The following THOC2 variants were observed in gnomAD, a reference collection of about 807,000 sequenced individuals.
THOC2 encodes THO complex 2.
A neutral mutation model predicts 128.4 loss-of-function variants in THOC2; 10 were observed. The observed-to-expected ratio is 0.08, with a 90% CI of 0.05 to 0.13. THOC2 has a LOEUF of 0.13. Among genes scored for constraint, THOC2 ranks in the 10% least tolerant of loss-of-function variants. THOC2 has a pLI of 1.00. For missense variants in THOC2, 535 were observed against 1,155.7 expected (o/e 0.46, Z 7.79); for synonymous variants, 393 against 396.9 (o/e 0.99, Z 0.12).
intron 30 of THOC2, among the ~76,000 whole-genome samples, chrX:123,622,316 GC>G (rs374264820): frequency 3.6e-5 from 4 of 111,582 alleles, no homozygotes; most frequent in African/African-American, 6.5e-5. Flanking sequence ...CACAAGAATC[GC>G]TTCAACCCAC....
intron 1 of THOC2, among the ~76,000 whole-genome samples, chrX:123,717,794 T>A (rs2051495169): frequency 9.0e-6 from 1 of 111,306 alleles, no homozygotes; most frequent in Non-Finnish European, 1.9e-5. Context: ...GCCCTCTGTA[T>A]CCACGGGGGA....
chrX:123,637,358 A>G (rs1290439060), intron 18 of THOC2, among the ~76,000 whole-genome samples: 1 of 111,841 alleles, frequency 8.9e-6, no homozygotes, highest in Non-Finnish European at 1.9e-5. Flanking sequence ...TTTTGGTTAA[A>G]CTAAGTCAAG....
intron 1 of THOC2, among the ~76,000 whole-genome samples, chrX:123,731,692 C>T (rs2052265514): frequency 2.7e-5 from 3 of 110,494 alleles, no homozygotes; most frequent in African/African-American, 9.9e-5. Flanking sequence ...CTAAGACAGC[C>T]GCTTATTTAG....
chrX:123,664,604 A>C (rs2048978941), intron 12 of THOC2, among the ~76,000 whole-genome samples: 1 of 112,456 alleles, frequency 8.9e-6, no homozygotes, highest in Non-Finnish European at 1.9e-5. Flanking sequence ...ACATGAAAAA[A>C]TGCTCAACAC....
intron 7 of THOC2, 26 bp from the exon 8 acceptor site, chrX:123,686,740 T>A (rs1319428504): frequency 1.8e-6 from 2 of 1,086,621 alleles, no homozygotes; most frequent in East Asian, 3.1e-5. Flanking sequence ...CATACAAAAA[T>A]TTAAAAATGA....
chrX:123,709,564 C>CT (rs2051096350), intron 2 of THOC2, among the ~76,000 whole-genome samples: 2 of 111,622 alleles, frequency 1.8e-5, no homozygotes, highest in South Asian at 7.7e-4. Context: ...GCACTCCAGC[C>CT]TGGGCGATAG....
chrX:123,709,345 A>C (rs2051080089), intron 2 of THOC2, among the ~76,000 whole-genome samples: 1 of 111,200 alleles, frequency 9.0e-6, no homozygotes, highest in South Asian at 3.8e-4. Context: ...TAATCCCAGC[A>C]CTTTGGGAGG....
At chrX:123,659,094 T>C (rs1316279830) in intron 12 of THOC2, among the ~76,000 whole-genome samples, 2 of 112,343 alleles carry the variant, frequency 1.8e-5, no homozygotes, top group Non-Finnish European at 3.8e-5. Context: ...TCCTTTTACA[T>C]GAAACAATTC....
In THOC2 at chrX:123,627,682, C is replaced by A. The variant is rs1569340769; in HGVS notation, c.2757+11G>T. The A allele has an allele frequency of 8.3e-7, 1 of 1,208,811 alleles. No individual in the cohort carries two copies. The highest frequency in any genetic ancestry group is 1.1e-6 in the Non-Finnish European group (1 of 893,431). On this transcript the variant is annotated intron_variant, in intron 23 of 38. Coordinates refer to ENST00000245838, the MANE Select transcript of THOC2 (RefSeq NM_001081550.2). ...AGTTATTGCACTTGAACTACTAGAA[C>A]AAAAACCTACCATTTCCTGATTGTC...
At chrX:123,603,484 T>C in intron 38 of THOC2, 1 of 509,493 alleles carries the variant, frequency 2.0e-6, no homozygotes, top group Non-Finnish European at 3.4e-6. Flanking sequence ...TTCTGGATGG[T>C]GTATCTCGAG....
At chrX:123,667,606 C>T (rs1296559908) in intron 10 of THOC2, among the ~76,000 whole-genome samples, 2 of 110,534 alleles carry the variant, frequency 1.8e-5, no homozygotes, top group African/African-American at 3.3e-5. Flanking sequence ...AGTGTGGTGG[C>T]GCATGCCTGT....
chrX:123,696,060 T>C lies in THOC2; in HGVS notation c.562A>G (p.Thr188Ala). The C allele has an allele frequency of 8.9e-7, 1 of 1,129,868 alleles. No individual in the cohort carries two copies. The highest frequency in any genetic ancestry group is 2.4e-4 in the Middle Eastern group (1 of 4,182). 93.1% of individuals were successfully genotyped at this position (1,129,868 alleles called of 1,213,427 possible). Residue 188 changes from threonine (T) to alanine (A), a missense_variant, in exon 7 of 39, where the codon ACT becomes GCT. Thr to Ala is a moderately conservative substitution (Grantham distance 58, BLOSUM62 0). This residue lies in a region of THOC2 where 10 missense variants were observed against 63.0 expected (regional missense o/e 0.16). Transcript: ENST00000245838. ...ATATTTTCTAAGATTAAATCACTAG[T>C]AATACTTCCAGATAAATCTTGCCCC... is the stretch of plus-strand genomic sequence containing the variant. ...ELGQDLSGSITSDLILENIKS... is the reference protein window; with the variant it reads ...ELGQDLSGSIASDLILENIKS...
chrX:123,626,676 A>C lies in THOC2; in HGVS notation c.2758-14T>G, dbSNP rs774464633. The C allele has an allele frequency of 8.5e-7, 1 of 1,180,091 alleles. No homozygotes were observed. The highest frequency in any genetic ancestry group is 2.6e-5 in the Admixed American group (1 of 38,087). ...TTTATTTGGGGGCTACAAAGAATTC[A>C]ATTAGACACTTTTCTAACTATATGC... On this transcript the variant is annotated splice_polypyrimidine_tract_variant and intron_variant, in intron 23 of 38. Coordinates refer to ENST00000245838, the MANE Select transcript of THOC2 (RefSeq NM_001081550.2).
chrX:123,642,918 C>T (rs1218558196), intron 15 of THOC2, among the ~76,000 whole-genome samples: 1 of 110,934 alleles, frequency 9.0e-6, no homozygotes, highest in East Asian at 2.8e-4. Flanking sequence ...TTTACTGAAA[C>T]TTAAATCATG....
At chrX:123,651,446 A>C (rs1026234673) in intron 12 of THOC2, among the ~76,000 whole-genome samples, 1 of 111,819 alleles carries the variant, frequency 8.9e-6, no homozygotes, top group African/African-American at 3.3e-5. Context: ...GAAATAACTA[A>C]GATCAGAGCA....
chrX:123,680,965 T>TTC lies in THOC2; in HGVS notation c.768+5581_768+5582dup, dbSNP rs374368414. 1.9e-3 allele frequency among the ~76,000 whole-genome samples: 201 copies of TTC among 105,049 alleles called. 1 individual carries two copies. The South Asian group carries it at 0.03, about 16-fold the overall frequency. The allele number at this position is 105,049 out of a possible 115,157, so 91.2% of individuals were successfully genotyped here. On this transcript the variant is annotated intron_variant, in intron 8 of 38. Coordinates refer to ENST00000245838, the MANE Select transcript of THOC2 (RefSeq NM_001081550.2). ...CTAAGTAACCACACACACACATGCA[T>TTC]TCTCTCTCTCTCTCTCTCTCTCACC...
intron 15 of THOC2, among the ~76,000 whole-genome samples, chrX:123,643,630 T>A (rs2048014781): frequency 9.1e-6 from 1 of 109,402 alleles, no homozygotes. Context: ...CTCCCCCAAG[T>A]GAAATCATTT....
chrX:123,708,802 A>G, intron 2 of THOC2, among the ~76,000 whole-genome samples: 1 of 111,532 alleles, frequency 9.0e-6, no homozygotes, highest in East Asian at 2.8e-4. Flanking sequence ...GCTGGGGTAC[A>G]GTGGCGCAAT....
chrX:123,668,677 C>T (rs2049140564), intron 9 of THOC2, among the ~76,000 whole-genome samples: 1 of 111,658 alleles, frequency 9.0e-6, no homozygotes, highest in African/African-American at 3.2e-5. Flanking sequence ...AGGCTAAACT[C>T]CAAATTAAAT....
Sources: allele counts gnomAD v4.1 joint callset (sites outside exome capture counted in the v4.1 genomes callset), GRCh38; gene constraint gnomAD v4.1.1; regional missense constraint gnomAD v4.1.1; transcripts MANE v1.5; gene names NCBI Gene and HGNC (gene_info 2026-07-23, HGNC 2026-07-21).